Variants in KCNMA1 observed in about 807,000 individuals in gnomAD.
KCNMA1 encodes Calcium-activated potassium channel subunit alpha-1.
A neutral mutation model predicts 140.0 loss-of-function variants in KCNMA1; 29 were observed. The observed-to-expected ratio is 0.21, with a 90% CI of 0.15 to 0.28. The LOEUF (loss-of-function observed/expected upper bound fraction) is 0.28. Ranked by LOEUF, KCNMA1 falls within the 10% of genes least tolerant of loss-of-function variation. The probability of loss-of-function intolerance (pLI) is 1.00; values close to 1 mark genes in which losing one functional copy is unlikely to be tolerated. For synonymous variants in KCNMA1, 612 were observed against 611.9 expected, an observed-to-expected ratio of 1.00 and a Z score of 0.00; for missense variants, 880 against 1,602.2, an observed-to-expected ratio of 0.55 and a Z score of 7.70.
At chr10:76,917,723 A>T (rs1463712451) in intron 23 of KCNMA1, among the ~76,000 whole-genome samples, 1 of 152,110 alleles carries the variant, frequency 6.6e-6, no homozygotes, top group Non-Finnish European at 1.5e-5. Context: ...TTGTTTCCCT[A>T]CTTTTCTAGT....
intron 1 of KCNMA1, among the ~76,000 whole-genome samples, chr10:77,541,090 A>G (rs2060081637): frequency 6.6e-6 from 1 of 152,146 alleles, no homozygotes; most frequent in Non-Finnish European, 1.5e-5. Flanking sequence ...AGAAATATGG[A>G]ACAATTCCTT....
intron 23 of KCNMA1, among the ~76,000 whole-genome samples, chr10:76,921,500 C>T (rs2055769527): frequency 1.3e-5 from 2 of 152,144 alleles, no homozygotes; most frequent in African/African-American, 4.8e-5. Flanking sequence ...ATAAATTATC[C>T]AAATTTCCCA....
chr10:77,125,675 T>C (rs753404322), intron 5 of KCNMA1, among the ~76,000 whole-genome samples: 7 of 152,224 alleles, frequency 4.6e-5, no homozygotes, highest in Non-Finnish European at 7.3e-5. Context: ...CCTTCCTCTC[T>C]TTAGCATCAG....
intron 2 of KCNMA1, among the ~76,000 whole-genome samples, chr10:77,302,753 T>C (rs1472647836): frequency 6.6e-6 from 1 of 151,950 alleles, no homozygotes; most frequent in Non-Finnish European, 1.5e-5. Flanking sequence ...TACTGATTGG[T>C]CTGTGAGTAT....
At position 77,012,032 on chromosome 10, in the gene KCNMA1, T is replaced by TA. The variant is rs762705295; in HGVS notation, c.2026dup (p.Tyr676LeufsTer7). 1.2e-6 allele frequency: 2 copies of TA among 1,613,746 alleles called. No homozygotes were observed. The highest frequency in any genetic ancestry group is 1.7e-5 in the Admixed American group (1 of 59,990). On this transcript the variant is annotated frameshift_variant, in exon 18 of 28. Coordinates refer to ENST00000286628, the MANE Select transcript of KCNMA1 (RefSeq NM_001161352.2). LOFTEE classifies it high-confidence loss of function. ...GATGTCATCATGACAGGCCTTGCAG[T>TA]AAAAAAATGCCCTGGAGAAAGAGAA...
chr10:76,900,156 T>G (rs564365955), intron 25 of KCNMA1, among the ~76,000 whole-genome samples: 1 of 152,220 alleles, frequency 6.6e-6, no homozygotes, highest in African/African-American at 2.4e-5. Flanking sequence ...TTATTAAACT[T>G]TATAATGTAC....
intron 1 of KCNMA1, among the ~76,000 whole-genome samples, chr10:77,524,495 TC>T (rs2054805274): frequency 6.6e-6 from 1 of 152,186 alleles, no homozygotes; most frequent in African/African-American, 2.4e-5. Context: ...TCCCTTCTCC[TC>T]TGGGACTCTT....
intron 2 of KCNMA1, among the ~76,000 whole-genome samples, chr10:77,286,489 AC>A (rs2070888364): frequency 6.6e-6 from 1 of 152,136 alleles, no homozygotes; most frequent in African/African-American, 2.4e-5. Context: ...CCCTGGTAAT[AC>A]CCATCTCTCA....
At chr10:76,942,277 A>T (rs1033699166) in intron 23 of KCNMA1, among the ~76,000 whole-genome samples, 14 of 152,100 alleles carry the variant, frequency 9.2e-5, no homozygotes, top group African/African-American at 3.4e-4. Flanking sequence ...TTTTATAAGG[A>T]CACCAGTCCC....
intron 2 of KCNMA1, among the ~76,000 whole-genome samples, chr10:77,266,161 C>T (rs1366153158): frequency 6.6e-6 from 1 of 151,128 alleles, no homozygotes; most frequent in Non-Finnish European, 1.5e-5. Context: ...AAAGGTGTGG[C>T]TGAGGAGACT....
chr10:77,543,436 A>C (rs888626302), intron 1 of KCNMA1, among the ~76,000 whole-genome samples: 18 of 152,214 alleles, frequency 1.2e-4, no homozygotes, highest in African/African-American at 4.3e-4. Flanking sequence ...GCAAGATAAA[A>C]AAAATATGGC....
At chr10:77,199,707 C>A (rs532970188) in intron 3 of KCNMA1, among the ~76,000 whole-genome samples, 1 of 151,976 alleles carries the variant, frequency 6.6e-6, no homozygotes, top group African/African-American at 2.4e-5. Flanking sequence ...AACTCATCAG[C>A]GTGAGAAGGC....
At position 77,474,393 on chromosome 10, in the gene KCNMA1, C is replaced by T. The variant is rs187665848; in HGVS notation, c.379-70370G>A. ...TCTTTATAAGAACAGGAGATTAGGA[C>T]ATGGACAGAAAAAAGACCATGTGAA... On this transcript the variant is annotated intron_variant, in intron 1 of 27. Transcript: ENST00000286628. 2.0e-5 allele frequency among the ~76,000 whole-genome samples: 3 copies of T among 152,236 alleles called. No homozygotes were observed. In the East Asian group the frequency reaches 5.8e-4, roughly 29 times the overall value.
chr10:77,549,197 G>A (rs2154556575), intron 1 of KCNMA1, among the ~76,000 whole-genome samples: 1 of 152,366 alleles, frequency 6.6e-6, no homozygotes, highest in African/African-American at 2.4e-5. Context: ...AAACAAGGAA[G>A]CTGAGGCCTG....
At chr10:77,212,720 C>T (rs1272241227) in intron 3 of KCNMA1, among the ~76,000 whole-genome samples, 1 of 152,150 alleles carries the variant, frequency 6.6e-6, no homozygotes, top group Non-Finnish European at 1.5e-5. Flanking sequence ...TCTCTTCCCT[C>T]TTCCTCATTA....
chr10:77,407,575 C>G lies in KCNMA1; in HGVS notation c.379-3552G>C, dbSNP rs146325565. ...AGACAGGGTAACTAAGAGCAGGTATCTCTCAGAAAAAGGCACAGAGCCTGA... is the reference window on the plus strand; with the variant it reads ...AGACAGGGTAACTAAGAGCAGGTATGTCTCAGAAAAAGGCACAGAGCCTGA... On this transcript the variant is annotated intron_variant, in intron 1 of 27. Coordinates refer to ENST00000286628, the MANE Select transcript of KCNMA1 (RefSeq NM_001161352.2). 1.3e-3 allele frequency among the ~76,000 whole-genome samples: 194 copies of G among 152,330 alleles called. 1 individual carries two copies. The highest frequency in any genetic ancestry group is 4.4e-3 in the African/African-American group (185 of 41,580).
intron 2 of KCNMA1, among the ~76,000 whole-genome samples, chr10:77,333,873 G>A (rs2087696739): frequency 6.6e-6 from 1 of 152,186 alleles, no homozygotes; most frequent in South Asian, 2.1e-4. Context: ...TAAGCTGTGC[G>A]CTCCTTGGGA....
chr10:77,590,512 G>A (rs773958980), intron 1 of KCNMA1, among the ~76,000 whole-genome samples: 1 of 152,330 alleles, frequency 6.6e-6, no homozygotes, highest in East Asian at 1.9e-4. Flanking sequence ...ACACCCACCC[G>A]GAACTCGCGC....
intron 25 of KCNMA1, among the ~76,000 whole-genome samples, chr10:76,905,970 C>T (rs1314652526): frequency 6.6e-6 from 1 of 152,216 alleles, no homozygotes; most frequent in Non-Finnish European, 1.5e-5. Flanking sequence ...CTAAGCACCG[C>T]TCTAATCGCT....
Sources: allele counts gnomAD v4.1 joint callset (sites outside exome capture counted in the v4.1 genomes callset), GRCh38; gene constraint gnomAD v4.1.1; transcripts MANE v1.5; gene names NCBI Gene and HGNC (gene_info 2026-07-23, HGNC 2026-07-21).